Variants in PRR16 observed in about 807,000 individuals in gnomAD.
PRR16 encodes protein Largen.
A neutral mutation model predicts 18.2 loss-of-function variants in PRR16; 6 were observed. The ratio of observed to expected loss-of-function variants is 0.33; its 90% CI spans 0.18 to 0.65. The LOEUF (loss-of-function observed/expected upper bound fraction) is 0.65, where lower values mean the gene tolerates loss of function less well. Ranked by LOEUF, PRR16 falls within the 30% of genes least tolerant of loss-of-function variation. The probability of loss-of-function intolerance (pLI) is 0.74; values close to 1 mark genes in which losing one functional copy is unlikely to be tolerated. For synonymous variants in PRR16, 151 were observed against 147.8 expected (o/e 1.02, Z -0.16); for missense variants, 412 against 376.6 (o/e 1.09, Z -0.78).
At chr5:120,710,439 C>A in the PRR16 span, among the ~76,000 whole-genome samples, 1 of 152,072 alleles carries the variant, frequency 6.6e-6, no homozygotes, top group Non-Finnish European at 1.5e-5. Flanking sequence ...GGGCATGTGA[C>A]AAGCAGGAAA....
intron 1 of PRR16, among the ~76,000 whole-genome samples, chr5:120,573,517 GCT>G (rs1206887587): frequency 1.3e-5 from 2 of 151,116 alleles, no homozygotes; most frequent in African/African-American, 2.4e-5. Flanking sequence ...CAATGCTGCA[GCT>G]CTCTCTTGGA....
At chr5:120,671,219 T>C (rs1756591391) in intron 1 of PRR16, among the ~76,000 whole-genome samples, 1 of 152,186 alleles carries the variant, frequency 6.6e-6, no homozygotes, top group African/African-American at 2.4e-5. Flanking sequence ...GTGCATTTTA[T>C]TGTGCCTAAT....
At chr5:120,610,537 C>T (rs1025579592) in intron 1 of PRR16, among the ~76,000 whole-genome samples, 14 of 151,938 alleles carry the variant, frequency 9.2e-5, no homozygotes, top group African/African-American at 2.2e-4. Context: ...AATTGAATCA[C>T]GGGGGCCAGT....
the PRR16 span, among the ~76,000 whole-genome samples, chr5:120,710,054 A>G: frequency 4.0e-5 from 6 of 151,892 alleles, no homozygotes; most frequent in Admixed American, 3.9e-4. Flanking sequence ...TCTCTATACT[A>G]TTTTTCATGG....
chr5:120,662,845 G>T (rs1756223224), intron 1 of PRR16, among the ~76,000 whole-genome samples: 1 of 152,114 alleles, frequency 6.6e-6, no homozygotes, highest in African/African-American at 2.4e-5. Flanking sequence ...TGGGGACCTT[G>T]GGGGCAGGAA....
At chr5:120,777,108 A>C in the PRR16 span, among the ~76,000 whole-genome samples, 1 of 151,976 alleles carries the variant, frequency 6.6e-6, no homozygotes, top group African/African-American at 2.4e-5. Flanking sequence ...CCTCTATGAG[A>C]AATTAGTGGA....
chr5:120,773,613 AC>A, the PRR16 span, among the ~76,000 whole-genome samples: 69 of 152,052 alleles, frequency 4.5e-4, no homozygotes, highest in African/African-American at 1.6e-3. Context: ...CAACTACTTA[AC>A]TAAAAATTAG....
chr5:120,587,317 A>C (rs1005820841), intron 1 of PRR16, among the ~76,000 whole-genome samples: 10 of 152,238 alleles, frequency 6.6e-5, no homozygotes, highest in Non-Finnish European at 1.3e-4. Flanking sequence ...TAAGGTGGCT[A>C]CACTAAATAA....
chr5:120,715,154 T>C, the PRR16 span, among the ~76,000 whole-genome samples: 2 of 152,198 alleles, frequency 1.3e-5, no homozygotes, highest in Non-Finnish European at 2.9e-5. Context: ...GATTTTCTCT[T>C]TTGTTATCAT....
the PRR16 span, among the ~76,000 whole-genome samples, chr5:120,780,781 G>A: frequency 7.9e-5 from 12 of 152,050 alleles, no homozygotes; most frequent in Non-Finnish European, 1.0e-4. Flanking sequence ...CCGGCCGGGC[G>A]GGCTCAAGCC....
chr5:120,710,092 ACAG>A, the PRR16 span, among the ~76,000 whole-genome samples: 1 of 152,136 alleles, frequency 6.6e-6, no homozygotes, highest in Non-Finnish European at 1.5e-5. Context: ...ATTCCTACCA[ACAG>A]TGTATGAGCT....
chr5:120,599,776 T>G (rs551510658), intron 1 of PRR16, among the ~76,000 whole-genome samples: 119 of 152,038 alleles, frequency 7.8e-4, no homozygotes, highest in African/African-American at 2.6e-3. Flanking sequence ...GTCTTTCAGT[T>G]TAGAACCAAG....
intron 1 of PRR16, among the ~76,000 whole-genome samples, chr5:120,617,704 A>G (rs1411399294): frequency 6.6e-6 from 1 of 152,154 alleles, no homozygotes; most frequent in Non-Finnish European, 1.5e-5. Flanking sequence ...AAAAGATATG[A>G]TAATTTAAAT....
chr5:120,498,500 C>T lies in PRR16; in HGVS notation c.159+33855C>T, dbSNP rs146385226. Among the ~76,000 whole-genome samples the T allele has an allele frequency of 4.4e-3, 668 of 151,710 alleles. 8 individuals carry two copies. Among genetic ancestry groups the T allele is most frequent in the African/African-American group, 0.016 (649 of 41,470 alleles). ...TATATTTGCCTTAACTATTTCTCTA[C>T]ATATATGTAGAAGCGCATCAGACAG... is the stretch of plus-strand genomic sequence containing the variant. On this transcript the variant is annotated intron_variant, in intron 1 of 1. Transcript: ENST00000407149.
At chr5:120,728,464 G>A in the PRR16 span, among the ~76,000 whole-genome samples, 1 of 151,986 alleles carries the variant, frequency 6.6e-6, no homozygotes, top group African/African-American at 2.4e-5. Flanking sequence ...TAATTATGAA[G>A]TGATGTTAAG....
chr5:120,507,955 C>T (rs1415822187), intron 1 of PRR16, among the ~76,000 whole-genome samples: 1 of 152,030 alleles, frequency 6.6e-6, no homozygotes, highest in Admixed American at 6.6e-5. Flanking sequence ...TATTTATTCC[C>T]TCCTTCTTCC....
At chr5:120,750,767 C>T in the PRR16 span, among the ~76,000 whole-genome samples, 3 of 151,972 alleles carry the variant, frequency 2.0e-5, no homozygotes, top group Non-Finnish European at 2.9e-5. Context: ...TCTGGGTAAT[C>T]GAGATATTCA....
chr5:120,538,058 G>T lies in PRR16; in HGVS notation c.159+73413G>T, dbSNP rs141016823. On this transcript the variant is annotated intron_variant, in intron 1 of 1. Transcript: ENST00000407149. ...CCCAAAGTGCTGGGATTACAGGCGT[G>T]AGCCACCGCGCCCGGCCGTTGTTTA... Among the ~76,000 whole-genome samples, 553 of 152,220 alleles carry T rather than the reference G, an allele frequency of 3.6e-3. 1 individual carries two copies. Among genetic ancestry groups the T allele is most frequent in the African/African-American group, 0.013 (523 of 41,544 alleles).
chr5:120,781,972 G>A, the PRR16 span, among the ~76,000 whole-genome samples: 1 of 148,528 alleles, frequency 6.7e-6, no homozygotes, highest in Non-Finnish European at 1.5e-5. Context: ...TAACAAGTGG[G>A]TATTTGTAAT....
Sources: allele counts gnomAD v4.1 joint callset (sites outside exome capture counted in the v4.1 genomes callset), GRCh38; gene constraint gnomAD v4.1.1; transcripts MANE v1.5; gene names NCBI Gene and HGNC (gene_info 2026-07-23, HGNC 2026-07-21).